BLTP3A: variants seen among roughly 807,000 people sequenced by gnomAD.
The protein encoded by BLTP3A is ICBP90 binding protein 1.
the BLTP3A span, among the ~76,000 whole-genome samples, chr6:34,798,052 G>GCC: frequency 6.6e-6 from 1 of 152,226 alleles, no homozygotes; most frequent in East Asian, 1.9e-4. Context: ...TTCCCACCCT[G>GCC]CCCTGTGTCT....
chr6:34,869,802 C>G, the BLTP3A span, among the ~76,000 whole-genome samples: 1 of 151,990 alleles, frequency 6.6e-6, no homozygotes. Flanking sequence ...CAGGTGCCTG[C>G]CACCACGCCT....
the BLTP3A span, among the ~76,000 whole-genome samples, chr6:34,845,169 T>C: frequency 3.9e-5 from 6 of 152,246 alleles, no homozygotes; most frequent in African/African-American, 1.4e-4. Context: ...ACTGTAGATA[T>C]AGATGTATGG....
At chr6:34,847,095 T>C in the BLTP3A span, among the ~76,000 whole-genome samples, 1,287 of 152,336 alleles carry the variant, frequency 8.4e-3, 19 homozygotes, top group African/African-American at 0.027. Context: ...ATTCTTGAAT[T>C]CCTGGGATAA....
the BLTP3A span, chr6:34,792,347 C>A: frequency 6.8e-7 from 1 of 1,460,550 alleles, no homozygotes; most frequent in South Asian, 1.3e-5. Context: ...CTAACCCTCT[C>A]CGACCTCCTC....
At chr6:34,794,577 T>G in the BLTP3A span, among the ~76,000 whole-genome samples, 6 of 152,204 alleles carry the variant, frequency 3.9e-5, no homozygotes, top group Non-Finnish European at 8.8e-5. Context: ...AGCACATGCC[T>G]GAATCCCTCA....
the BLTP3A span, among the ~76,000 whole-genome samples, chr6:34,797,662 TTC>T: frequency 1.3e-4 from 20 of 152,352 alleles, no homozygotes; most frequent in East Asian, 3.7e-3. Context: ...AATCCTATGT[TTC>T]TGTTTCCCTT....
chr6:34,795,632 A>G, the BLTP3A span, among the ~76,000 whole-genome samples: 1 of 134,418 alleles, frequency 7.4e-6, no homozygotes, highest in Non-Finnish European at 1.6e-5. Context: ...CGATCTCCTG[A>G]CCTCGTGATC....
the BLTP3A span, chr6:34,858,074 T>C: frequency 1.9e-6 from 3 of 1,584,336 alleles, no homozygotes; most frequent in Non-Finnish European, 1.7e-6. Flanking sequence ...AGTGGGATGC[T>C]GAGATACTCA....
At chr6:34,836,872 T>A in the BLTP3A span, among the ~76,000 whole-genome samples, 1 of 152,238 alleles carries the variant, frequency 6.6e-6, no homozygotes, top group Non-Finnish European at 1.5e-5. Context: ...TATATGTGTT[T>A]GTATTTATTC....
chr6:34,851,029 T>A, the BLTP3A span, among the ~76,000 whole-genome samples: 2 of 152,170 alleles, frequency 1.3e-5, no homozygotes, highest in African/African-American at 4.8e-5. Context: ...TTAATCTTTT[T>A]GTTAAAAGAT....
At chr6:34,830,828 A>G in the BLTP3A span, among the ~76,000 whole-genome samples, 2 of 152,184 alleles carry the variant, frequency 1.3e-5, no homozygotes. Context: ...AGCATTGCAT[A>G]AAAGTTCTAG....
chr6:34,815,154 A>T, the BLTP3A span, among the ~76,000 whole-genome samples: 3 of 152,226 alleles, frequency 2.0e-5, no homozygotes, highest in African/African-American at 7.2e-5. Context: ...GTGCAAAGTA[A>T]AATGTCATTA....
At chr6:34,821,850 T>C in the BLTP3A span, 1 of 1,614,132 alleles carries the variant, frequency 6.2e-7, no homozygotes, top group Middle Eastern at 1.6e-4. Flanking sequence ...CTGTTCTCTT[T>C]GGCCAGTAGG....
At chr6:34,822,191 T>C in the BLTP3A span, among the ~76,000 whole-genome samples, 1 of 152,062 alleles carries the variant, frequency 6.6e-6, no homozygotes, top group Admixed American at 6.6e-5. Context: ...GTTTTCTCGG[T>C]TTTAGTGTAA....
the BLTP3A span, chr6:34,858,554 G>A: frequency 2.4e-5 from 38 of 1,614,088 alleles, no homozygotes; most frequent in South Asian, 3.3e-5. Flanking sequence ...CTACCCCTCC[G>A]CTGGCAGCAA....
chr6:34,848,079 C>T, the BLTP3A span, among the ~76,000 whole-genome samples: 3 of 150,478 alleles, frequency 2.0e-5, no homozygotes, highest in South Asian at 4.2e-4. Context: ...ACTACCATGC[C>T]AGGCTAATTT....
At chr6:34,856,841 G>A in the BLTP3A span, 4 of 1,613,988 alleles carry the variant, frequency 2.5e-6, no homozygotes, top group South Asian at 4.4e-5. Flanking sequence ...CCCTCTCAGG[G>A]CAGACAGCCT....
chr6:34,809,892 A>G, the BLTP3A span, among the ~76,000 whole-genome samples: 1 of 152,184 alleles, frequency 6.6e-6, no homozygotes, highest in South Asian at 2.1e-4. Context: ...GTTCACTGGA[A>G]GCCTCACTGA....
chr6:34,877,442 T>C, the BLTP3A span: 1 of 152,782 alleles, frequency 6.5e-6, no homozygotes, highest in South Asian at 2.1e-4. Flanking sequence ...AATGTTGCAA[T>C]ATCTAGTCAA....
Sources: gnomAD v4.1 joint callset for allele counts (sites outside exome capture counted in the v4.1 genomes callset) on GRCh38, gnomAD v4.1.1 for gene constraint, MANE v1.5 for transcripts, NCBI Gene and HGNC (gene_info 2026-07-23, HGNC 2026-07-21) for gene names.